WTAP: variants seen among roughly 807,000 people sequenced by gnomAD.
WTAP encodes WT1 associated protein.
In WTAP, 8 loss-of-function variants were observed where a neutral mutation model predicts 50.0. That is an observed-to-expected ratio of 0.16 (90% CI 0.09 to 0.29). WTAP has a LOEUF of 0.29. WTAP is among the 10% of genes least tolerant of loss of function. WTAP has a pLI of 1.00. For synonymous variants in WTAP, 194 were observed against 169.0 expected, an observed-to-expected ratio of 1.15 and a Z score of -1.15; for missense variants, 295 against 470.7, an observed-to-expected ratio of 0.63 and a Z score of 3.45.
intron 5 of WTAP, among the ~76,000 whole-genome samples, chr6:159,746,380 G>A (rs947209574): frequency 6.6e-6 from 1 of 152,166 alleles, no homozygotes; most frequent in Non-Finnish European, 1.5e-5. Flanking sequence ...GTTTGTATTA[G>A]GTACCTGTCC....
rs1779984995 is a variant in WTAP, at chr6:159,755,760, C to CTTTTGTTTTTTTTTTTTT, written c.*153_*154insGTTTTTTTTTTTTTTTTT. ...TGTTTTTTTTCTTTGTTTTTTTTTT[C>CTTTTGTTTTTTTTTTTTT]TTTTCTTTTTTTTTTTTTTTTTTTT... On this transcript the variant is annotated 3_prime_UTR_variant, in exon 8 of 8. Coordinates refer to ENST00000621533, the MANE Select transcript of WTAP (RefSeq NM_001270531.2). The CTTTTGTTTTTTTTTTTTT allele has an allele frequency of 3.5e-6, 1 of 283,704 alleles. No homozygotes were observed. The highest frequency in any genetic ancestry group is 9.2e-5 in the East Asian group (1 of 10,830). 17.6% of individuals were successfully genotyped at this position (283,704 alleles called of 1,614,324 possible).
rs761266097 is a variant in WTAP at position 159,755,418 on chromosome 6, G to A, written c.998G>A (p.Ser333Asn). 1.2e-6 allele frequency: 2 copies of A among 1,614,206 alleles called. No homozygotes were observed. Among genetic ancestry groups the A allele is most frequent in the Admixed American group, 1.7e-5 (1 of 60,024 alleles). ...GGTAGTGGTTACGTAAATCAACTCA[G>A]TGCGGGGTATGAAAGTGTAGACTCT... ...RGGSGYVNQL[S>N]AGYESVDSPT... is the part of the protein sequence containing the mutation. Residue 333 changes from serine to asparagine, a missense_variant, in exon 8 of 8, where the codon AGT (serine) becomes AAT (asparagine). Transcript: ENST00000621533.
chr6:159,735,771 A>G (rs1230125327), intron 1 of WTAP, among the ~76,000 whole-genome samples: 1 of 152,036 alleles, frequency 6.6e-6, no homozygotes, highest in Non-Finnish European at 1.5e-5. Flanking sequence ...AATAAAATAT[A>G]TAATATATCT....
At chr6:159,726,863 T>C (rs2114847505), upstream of WTAP, 3 of 1,289,244 alleles carry the variant, frequency 2.3e-6, no homozygotes, top group Non-Finnish European at 3.0e-6. Flanking sequence ...GGTGAGCTTC[T>C]GCTAAGAGTA....
intron 5 of WTAP, among the ~76,000 whole-genome samples, chr6:159,744,052 CATTTTTCAGAT>C (rs1217152336): frequency 6.6e-6 from 1 of 152,096 alleles, no homozygotes; most frequent in Non-Finnish European, 1.5e-5. Context: ...CAATTCCAGA[CATTTTTCAGAT>C]ATCTTGGTGT....
intron 5 of WTAP, 51 bp downstream of exon 5, chr6:159,743,843 G>A (rs1213386810): frequency 6.5e-7 from 1 of 1,528,230 alleles, no homozygotes; most frequent in East Asian, 2.3e-5. Context: ...TTGGTTTTTA[G>A]TCCACATTAT....
At position 159,751,993 on chromosome 6, in the gene WTAP, G is replaced by A. The variant is rs556052569; in HGVS notation, c.453-1467G>A. On this transcript the variant is annotated intron_variant, in intron 6 of 7. Transcript: ENST00000621533. The stretch of plus-strand genomic sequence containing the variant: ...GGGAGGATCACCTGAGCCTGGGGAC[G>A]TCAAGGCTCCAGTGAGCTGAGATCA... 2.5e-3 allele frequency among the ~76,000 whole-genome samples: 385 copies of A among 151,064 alleles called. 2 individuals are homozygous for A. The highest frequency in any genetic ancestry group is 7.9e-3 in the African/African-American group (326 of 41,116).
At position 159,742,088 on chromosome 6, in the gene WTAP, A is replaced by G; in HGVS notation, c.87A>G (p.Arg29=). ...KVMARDELIL[R]WKQYEAYVQA... ...TAATGTATGGATTTTTTTTTATTAGATGGAAACAATATGAAGCATATGTAC... is the reference window on the plus strand; with the variant it reads ...TAATGTATGGATTTTTTTTTATTAGGTGGAAACAATATGAAGCATATGTAC... Residue 29 remains arginine (R), a splice_region_variant and synonymous_variant, in exon 4 of 8, where the codon AGA becomes AGG. Coordinates refer to ENST00000621533, the MANE Select transcript of WTAP (RefSeq NM_001270531.2). 6.3e-7 allele frequency: 1 copy of G among 1,596,460 alleles called. No individual in the cohort carries two copies. The highest frequency in any genetic ancestry group is 8.5e-7 in the Non-Finnish European group (1 of 1,173,812).
intron 3 of WTAP, among the ~76,000 whole-genome samples, chr6:159,739,552 C>T (rs943607301): frequency 2.0e-5 from 3 of 152,072 alleles, no homozygotes; most frequent in Non-Finnish European, 4.4e-5. Flanking sequence ...TCAAGTACAA[C>T]GTATAATCTT....
upstream of WTAP, chr6:159,726,927 C>A (rs1162040872): frequency 7.8e-7 from 1 of 1,288,772 alleles, no homozygotes; most frequent in Non-Finnish European, 1.0e-6. Flanking sequence ...ACCTGGTCCT[C>A]CGACACGCGG....
At chr6:159,751,591 A>G (rs957535205) in intron 6 of WTAP, among the ~76,000 whole-genome samples, 1 of 152,246 alleles carries the variant, frequency 6.6e-6, no homozygotes, top group Non-Finnish European at 1.5e-5. Context: ...CTACAGTAGC[A>G]GTGAACAAGA....
chr6:159,727,073 C>G (rs1324145949), upstream of WTAP: 2 of 1,207,036 alleles, frequency 1.7e-6, no homozygotes, highest in South Asian at 1.5e-5. Context: ...CCGTGATGCC[C>G]TGGGGCTGAC....
chr6:159,744,731 C>T (rs936288988), intron 5 of WTAP, among the ~76,000 whole-genome samples: 4 of 152,158 alleles, frequency 2.6e-5, no homozygotes, highest in Non-Finnish European at 5.9e-5. Flanking sequence ...ACCCCCCCGC[C>T]CTTTTCTTGA....
At chr6:159,742,700 G>T (rs759237944) in intron 4 of WTAP, among the ~76,000 whole-genome samples, 2 of 152,066 alleles carry the variant, frequency 1.3e-5, no homozygotes, top group Non-Finnish European at 2.9e-5. Flanking sequence ...AACTTCAGAA[G>T]GGTTAATACC....
intron 7 of WTAP, among the ~76,000 whole-genome samples, chr6:159,753,864 G>A (rs954496757): frequency 5.9e-5 from 9 of 152,136 alleles, no homozygotes; most frequent in Admixed American, 5.2e-4. Flanking sequence ...GTTGGGGGTA[G>A]GATTTGGTAA....
intron 1 of WTAP, 27 bp from the exon 2 acceptor site, chr6:159,736,231 C>G (rs768851271): frequency 6.3e-7 from 1 of 1,576,604 alleles, no homozygotes; most frequent in Non-Finnish European, 8.6e-7. Context: ...ATAAATTGAA[C>G]TTGTTTTCCG....
chr6:159,755,765 C>CTTTTTTTT lies in WTAP; in HGVS notation c.*172_*179dup. The CTTTTTTTT allele has an allele frequency of 3.3e-4, 57 of 173,364 alleles. 1 individual carries two copies. The highest frequency in any genetic ancestry group is 1.3e-3 in the African/African-American group (15 of 11,434). 10.7% of individuals were successfully genotyped at this position (173,364 alleles called of 1,614,324 possible). ...TTTTTCTTTGTTTTTTTTTTCTTTT[C>CTTTTTTTT]TTTTTTTTTTTTTTTTTTTTTTTTT... On this transcript the variant is annotated 3_prime_UTR_variant, in exon 8 of 8. Transcript: ENST00000621533.
upstream of WTAP, chr6:159,726,980 C>T (rs767986158): frequency 1.7e-5 from 22 of 1,280,690 alleles, no homozygotes; most frequent in Non-Finnish European, 2.0e-5. Context: ...CGGCCAATCA[C>T]GCGCCGCCTT....
intron 5 of WTAP, among the ~76,000 whole-genome samples, chr6:159,745,728 A>G (rs997737387): frequency 5.3e-5 from 8 of 152,222 alleles, no homozygotes; most frequent in African/African-American, 1.2e-4. Flanking sequence ...TTTTAGGTAG[A>G]TCACTCTGAC....
Sources: gnomAD v4.1 joint callset for allele counts (sites outside exome capture counted in the v4.1 genomes callset) on GRCh38, gnomAD v4.1.1 for gene constraint, MANE v1.5 for transcripts, NCBI Gene and HGNC (gene_info 2026-07-23, HGNC 2026-07-21) for gene names.